Variants in PTPRR observed in about 807,000 individuals in gnomAD.
The protein encoded by PTPRR is protein tyrosine phosphatase receptor type R.
PTPRR carries 38 observed loss-of-function variants against 77.2 expected under a neutral mutation model. The observed-to-expected ratio is 0.49, with a 90% CI of 0.38 to 0.65. The LOEUF (loss-of-function observed/expected upper bound fraction) is 0.65. PTPRR is among the 30% of genes least tolerant of loss of function. The pLI, the probability that PTPRR is intolerant of heterozygous loss-of-function variation, is 0.00. For missense variants in PTPRR, 744 were observed against 799.2 expected (o/e 0.93, Z 0.83); for synonymous variants, 299 against 283.1 (o/e 1.06, Z -0.57).
At chr12:70,887,256 C>T (rs1457895043) in intron 2 of PTPRR, among the ~76,000 whole-genome samples, 1 of 152,038 alleles carries the variant, frequency 6.6e-6, no homozygotes, top group Non-Finnish European at 1.5e-5. Context: ...TTGAGACCAG[C>T]TGGGCCAACA....
intron 2 of PTPRR, among the ~76,000 whole-genome samples, chr12:70,874,407 A>G (rs1373798862): frequency 6.6e-6 from 1 of 152,172 alleles, no homozygotes; most frequent in African/African-American, 2.4e-5. Flanking sequence ...CGATGCAGTA[A>G]AGAATGATGA....
chr12:70,897,218 C>T (rs1346365914), intron 1 of PTPRR, among the ~76,000 whole-genome samples: 1 of 151,858 alleles, frequency 6.6e-6, no homozygotes, highest in East Asian at 1.9e-4. Context: ...GAACAGGCAA[C>T]CTACAAAATG....
chr12:70,757,590 T>G, intron 4 of PTPRR, among the ~76,000 whole-genome samples: 1 of 152,022 alleles, frequency 6.6e-6, no homozygotes, highest in Admixed American at 6.6e-5. Flanking sequence ...TCTAGTTGGG[T>G]TTTTTTGTTT....
chr12:70,798,134 G>C (rs1891548852), intron 2 of PTPRR, among the ~76,000 whole-genome samples: 1 of 152,104 alleles, frequency 6.6e-6, no homozygotes, highest in African/African-American at 2.4e-5. Flanking sequence ...TCCCATTTTA[G>C]TAAGTGGAAC....
chr12:70,805,797 T>A (rs187021126), intron 2 of PTPRR, among the ~76,000 whole-genome samples: 1 of 152,220 alleles, frequency 6.6e-6, no homozygotes, highest in Non-Finnish European at 1.5e-5. Flanking sequence ...CAAGATTATA[T>A]AGGTTGTAAG....
intron 2 of PTPRR, among the ~76,000 whole-genome samples, chr12:70,856,733 T>C (rs1249819998): frequency 6.9e-6 from 1 of 144,756 alleles, no homozygotes; most frequent in Non-Finnish European, 1.5e-5. Context: ...GCGAAGAGTA[T>C]ATCAGTTAGA....
chr12:70,740,025 T>C (rs541662467), intron 6 of PTPRR, among the ~76,000 whole-genome samples: 2 of 152,124 alleles, frequency 1.3e-5, no homozygotes, highest in Admixed American at 6.5e-5. Flanking sequence ...CCTTATTCTG[T>C]AAGAAAATGG....
chr12:70,906,574 CA>C (rs1893625792), intron 1 of PTPRR, among the ~76,000 whole-genome samples: 5 of 151,956 alleles, frequency 3.3e-5, no homozygotes, highest in African/African-American at 1.2e-4. Flanking sequence ...ACAGCCTTCC[CA>C]AAATATGACA....
chr12:70,758,585 A>T (rs970601525), intron 4 of PTPRR, among the ~76,000 whole-genome samples: 16 of 152,170 alleles, frequency 1.1e-4, no homozygotes, highest in Admixed American at 7.2e-4. Flanking sequence ...GATGTGTACC[A>T]GTCAGTCCGT....
chr12:70,782,674 A>T (rs1166922428), intron 2 of PTPRR, among the ~76,000 whole-genome samples: 1 of 144,172 alleles, frequency 6.9e-6, no homozygotes, highest in Non-Finnish European at 1.5e-5. Context: ...AACATCACAC[A>T]CCGGGGCCGT....
chr12:70,837,692 A>G (rs1892328166), intron 2 of PTPRR, among the ~76,000 whole-genome samples: 1 of 152,098 alleles, frequency 6.6e-6, no homozygotes, highest in South Asian at 2.1e-4. Context: ...GCTTTCCGGA[A>G]GCCTACTCCT....
intron 10 of PTPRR, among the ~76,000 whole-genome samples, chr12:70,669,173 T>C (rs1309949011): frequency 6.6e-6 from 1 of 152,184 alleles, no homozygotes; most frequent in Non-Finnish European, 1.5e-5. Context: ...TACCTTCTCA[T>C]GACATCTGAT....
At chr12:70,641,486 T>A (rs1331299108) in intron 13 of PTPRR, among the ~76,000 whole-genome samples, 1 of 152,192 alleles carries the variant, frequency 6.6e-6, no homozygotes, top group Non-Finnish European at 1.5e-5. Flanking sequence ...TTGGAGTATA[T>A]TTACTATGAC....
At chr12:70,765,843 A>G (rs1592743415) in intron 2 of PTPRR, among the ~76,000 whole-genome samples, 1 of 152,188 alleles carries the variant, frequency 6.6e-6, no homozygotes, top group Non-Finnish European at 1.5e-5. Flanking sequence ...AGACAGCAGC[A>G]TTCGCAGTTC....
In PTPRR at chr12:70,689,450, T is replaced by A. The variant is rs10879179; in HGVS notation, c.1280-4667A>T. On this transcript the variant is annotated intron_variant, in intron 8 of 13. Transcript: ENST00000283228. ...TGCATAAAATCTATTACACCCTTTG[T>A]AATGTAGAAAGACTTCTGCTAGACT... Among the ~76,000 whole-genome samples, 1,078 of 152,326 alleles carry A rather than the reference T, an allele frequency of 7.1e-3. 8 individuals carry two copies. Among genetic ancestry groups the A allele is most frequent in the Non-Finnish European group, 0.01 (709 of 68,030 alleles).
intron 2 of PTPRR, among the ~76,000 whole-genome samples, chr12:70,778,848 TTTTG>T (rs978932498): frequency 3.9e-5 from 6 of 152,162 alleles, no homozygotes; most frequent in African/African-American, 1.4e-4. Context: ...TCATTTTTGT[TTTTG>T]TTTGTTTTTT....
At chr12:70,657,595 T>C (rs1022653807) in intron 12 of PTPRR, among the ~76,000 whole-genome samples, 5 of 152,220 alleles carry the variant, frequency 3.3e-5, no homozygotes, top group Non-Finnish European at 7.3e-5. Context: ...ACTCCCTAAA[T>C]TTCCTAAACT....
intron 2 of PTPRR, among the ~76,000 whole-genome samples, chr12:70,838,001 C>A (rs577004530): frequency 4.6e-5 from 7 of 152,252 alleles, no homozygotes; most frequent in African/African-American, 1.7e-4. Context: ...ATACATATTT[C>A]ACAATATTAC....
chr12:70,666,618 G>A (rs1167476291), intron 10 of PTPRR, among the ~76,000 whole-genome samples: 2 of 152,118 alleles, frequency 1.3e-5, no homozygotes, highest in Non-Finnish European at 2.9e-5. Flanking sequence ...TCAAATCAGG[G>A]ACAGGTGAGA....
Sources: allele counts gnomAD v4.1 joint callset (sites outside exome capture counted in the v4.1 genomes callset), GRCh38; gene constraint gnomAD v4.1.1; transcripts MANE v1.5; gene names NCBI Gene and HGNC (gene_info 2026-07-23, HGNC 2026-07-21).